Variants in GLG1 observed in about 807,000 individuals in gnomAD.
GLG1 encodes the protein Golgi apparatus protein 1.
In GLG1, 38 loss-of-function variants were observed where a neutral mutation model predicts 160.5. The observed-to-expected ratio is 0.24, with a 90% CI of 0.18 to 0.31. GLG1 has a LOEUF of 0.31. Ranked by LOEUF, GLG1 falls within the 10% of genes least tolerant of loss-of-function variation. The pLI is 1.00. For missense variants in GLG1, 1,373 were observed against 1,505.2 expected (o/e 0.91, Z 1.45); for synonymous variants, 644 against 543.4 (o/e 1.19, Z -2.57).
intron 1 of GLG1, among the ~76,000 whole-genome samples, chr16:74,572,208 A>G (rs2018848816): frequency 6.6e-6 from 1 of 151,812 alleles, no homozygotes; most frequent in African/African-American, 2.4e-5. Flanking sequence ...AGTAATGAAG[A>G]CTCCATAAAA....
intron 2 of GLG1, among the ~76,000 whole-genome samples, chr16:74,511,480 G>A (rs1404176446): frequency 6.6e-6 from 1 of 151,152 alleles, no homozygotes; most frequent in East Asian, 1.9e-4. Flanking sequence ...GGGGAAACCC[G>A]GTCTCTACTA....
At chr16:74,489,215 A>G (rs1266647049) in intron 8 of GLG1, among the ~76,000 whole-genome samples, 1 of 152,128 alleles carries the variant, frequency 6.6e-6, no homozygotes, top group East Asian at 1.9e-4. Flanking sequence ...TTACACCTGT[A>G]ATCCCAGCAC....
chr16:74,544,902 A>T (rs1479305920), intron 1 of GLG1, among the ~76,000 whole-genome samples: 1 of 151,962 alleles, frequency 6.6e-6, no homozygotes, highest in Non-Finnish European at 1.5e-5. Flanking sequence ...TTATAATAAT[A>T]ATTATTGCAT....
At chr16:74,481,512 T>A (rs1428893488) in intron 10 of GLG1, among the ~76,000 whole-genome samples, 3 of 152,154 alleles carry the variant, frequency 2.0e-5, no homozygotes, top group Non-Finnish European at 4.4e-5. Context: ...GAAAACGTGA[T>A]TTTGATTAAG....
intron 2 of GLG1, among the ~76,000 whole-genome samples, chr16:74,513,481 C>T (rs769407254): frequency 7.2e-5 from 11 of 152,230 alleles, no homozygotes; most frequent in South Asian, 2.1e-4. Flanking sequence ...CTGCAGCCTC[C>T]GCTGGTGATA....
chr16:74,469,622 G>A, intron 16 of GLG1: 1 of 224,780 alleles, frequency 4.4e-6, no homozygotes, highest in Non-Finnish European at 8.9e-6. Context: ...AAAAACTGCT[G>A]CATCTTAGAT....
intron 1 of GLG1, among the ~76,000 whole-genome samples, 181 bp downstream of exon 1, chr16:74,606,476 G>T (rs927527186): frequency 1.3e-5 from 2 of 152,198 alleles, no homozygotes; most frequent in Non-Finnish European, 2.9e-5. Flanking sequence ...GGGAAAGAAG[G>T]AGTGGGAGTG....
intron 1 of GLG1, among the ~76,000 whole-genome samples, chr16:74,542,203 G>T (rs1173445003): frequency 6.9e-6 from 1 of 145,288 alleles, no homozygotes; most frequent in African/African-American, 2.6e-5. Context: ...GTTTTAGAAT[G>T]CAGGGTGAAA....
intron 11 of GLG1, among the ~76,000 whole-genome samples, chr16:74,477,985 T>A (rs867480113): frequency 7.4e-6 from 1 of 135,140 alleles, no homozygotes; most frequent in South Asian, 2.3e-4. Context: ...AAAAAATAAA[T>A]AAATAAATAA....
intron 4 of GLG1, among the ~76,000 whole-genome samples, chr16:74,499,211 T>C (rs1796473039): frequency 1.1e-5 from 1 of 92,384 alleles, no homozygotes; most frequent in Non-Finnish European, 2.2e-5. Flanking sequence ...ATAAAACTCC[T>C]AAAACTTGTT....
intron 1 of GLG1, among the ~76,000 whole-genome samples, chr16:74,591,863 C>G (rs1457421141): frequency 1.3e-5 from 2 of 152,132 alleles, no homozygotes; most frequent in Non-Finnish European, 2.9e-5. Context: ...GGAAAAAAAG[C>G]AGTCTTCTGA....
intron 2 of GLG1, among the ~76,000 whole-genome samples, chr16:74,529,792 T>C (rs1303946749): frequency 6.8e-6 from 1 of 147,252 alleles, no homozygotes; most frequent in East Asian, 2.0e-4. Flanking sequence ...TCCTTCCTAT[T>C]CCTTGGCTCT....
In GLG1 at chr16:74,465,484, A is replaced by C. The variant is rs116491343; in HGVS notation, c.2667+192T>G. ...GCAGCTAAGGCAGACTTCGTGCTCT[A>C]CTCCCAGAGTTTCTGATTCAGCAGA... On this transcript the variant is annotated intron_variant, in intron 19 of 25. Transcript: ENST00000422840. Among the ~76,000 whole-genome samples the C allele has an allele frequency of 2.9e-3, 447 of 152,084 alleles. 2 individuals are homozygous for C. The highest frequency in any genetic ancestry group is 0.01 in the African/African-American group (428 of 41,460).
At chr16:74,549,978 C>T (rs1399735341) in intron 1 of GLG1, among the ~76,000 whole-genome samples, 3 of 152,274 alleles carry the variant, frequency 2.0e-5, no homozygotes, top group African/African-American at 4.8e-5. Flanking sequence ...GTTAGCCGGG[C>T]GTGGTGGGAG....
At chr16:74,494,002 C>T (rs1172724296) in intron 6 of GLG1, among the ~76,000 whole-genome samples, 3 of 151,882 alleles carry the variant, frequency 2.0e-5, no homozygotes, top group Non-Finnish European at 2.9e-5. Flanking sequence ...TGGTGAAACC[C>T]CGTCTCTACT....
intron 1 of GLG1, among the ~76,000 whole-genome samples, chr16:74,588,411 T>G (rs1229599771): frequency 6.6e-6 from 1 of 152,130 alleles, no homozygotes; most frequent in Non-Finnish European, 1.5e-5. Flanking sequence ...GCTTTTTGGA[T>G]TTGAATTTAA....
chr16:74,589,982 C>A (rs1309163849), intron 1 of GLG1, among the ~76,000 whole-genome samples: 1 of 128,358 alleles, frequency 7.8e-6, no homozygotes, highest in Non-Finnish European at 1.6e-5. Flanking sequence ...AGTACAAATT[C>A]TTGAAACTTC....
At chr16:74,486,281 GTAAA>G (rs2015783325) in intron 8 of GLG1, among the ~76,000 whole-genome samples, 1 of 152,180 alleles carries the variant, frequency 6.6e-6, no homozygotes, top group Admixed American at 6.5e-5. Context: ...GTGGAAAAGA[GTAAA>G]TAAAGAACAT....
rs141789126 is a variant in GLG1, at chr16:74,496,618, T to C, written c.801A>G (p.Val267=). The C allele has an allele frequency of 2.0e-5, 32 of 1,612,124 alleles. No individual in the cohort carries two copies. The highest frequency in any genetic ancestry group is 2.7e-5 in the African/African-American group (2 of 74,836). ...EKDAHSQGEV[V]SCLEKGLVKE... is the part of the protein sequence containing the mutation. ...TCACCAGGCCTTTCTCCAAGCATGA[T>C]ACCACCTCACCTTGTGAATGTGCAT... Residue 267 remains valine, a synonymous_variant, in exon 5 of 26, where the codon GTA becomes GTG. Transcript: ENST00000422840.
Sources: gnomAD v4.1 joint callset for allele counts (sites outside exome capture counted in the v4.1 genomes callset) on GRCh38, gnomAD v4.1.1 for gene constraint, MANE v1.5 for transcripts, NCBI Gene and HGNC (gene_info 2026-07-23, HGNC 2026-07-21) for gene names.